The following PCDH17 variants were observed in gnomAD, a reference collection of about 807,000 sequenced individuals.
PCDH17 encodes the protein protocadherin-17.
A neutral mutation model predicts 67.7 loss-of-function variants in PCDH17; 21 were observed. That is an observed-to-expected ratio of 0.31 (90% CI 0.22 to 0.45). The LOEUF (loss-of-function observed/expected upper bound fraction) is 0.45, where lower values mean the gene tolerates loss of function less well. Ranked by LOEUF, PCDH17 falls within the 20% of genes least tolerant of loss-of-function variation. The pLI is 1.00. For missense variants in PCDH17, 1,471 were observed against 1,564.8 expected (o/e 0.94, Z 1.01); for synonymous variants, 701 against 656.7 (o/e 1.07, Z -1.03).
rs1955914569 is a variant in PCDH17 at position 57,726,091 on chromosome 13, CAAT to C, written c.*798_*800del. On this transcript the variant is annotated 3_prime_UTR_variant, in exon 4 of 4. Transcript: ENST00000377918. ...TTTTAGTGTCCAACAAAGATTTAAA[CAAT>C]GATGAATATGTTTTAAATTTGACAT... The C allele has an allele frequency of 6.6e-6, 1 of 152,426 alleles. No homozygotes were observed. 9.4% of individuals were successfully genotyped at this position (152,426 alleles called of 1,614,324 possible).
chr13:57,636,200 A>G (rs1954820717), intron 1 of PCDH17, among the ~76,000 whole-genome samples: 1 of 152,168 alleles, frequency 6.6e-6, no homozygotes, highest in Non-Finnish European at 1.5e-5. Context: ...GAAAAACTTC[A>G]TTCTTGCTTA....
chr13:57,714,661 G>A lies in PCDH17; in HGVS notation c.2798-9951G>A, dbSNP rs958922998. 2.6e-5 allele frequency among the ~76,000 whole-genome samples: 4 copies of A among 151,738 alleles called. No homozygotes were observed. The Admixed American group carries it at 2.6e-4, about 10-fold the overall frequency. ...AAACAGCTTTTGCTAACTACTGCAT[G>A]CCAGAGCATAGGTTTCTCACTGCAT... On this transcript the variant is annotated intron_variant, in intron 3 of 3. Coordinates refer to ENST00000377918, the MANE Select transcript of PCDH17 (RefSeq NM_001040429.3).
At chr13:57,663,079 AG>A (rs1459866356) in intron 1 of PCDH17, among the ~76,000 whole-genome samples, 1 of 152,084 alleles carries the variant, frequency 6.6e-6, no homozygotes, top group Non-Finnish European at 1.5e-5. Flanking sequence ...GATTTTTTGT[AG>A]ATTTTTAAAT....
intron 3 of PCDH17, among the ~76,000 whole-genome samples, chr13:57,703,172 C>A (rs7326551): frequency 0.82 from 124,323 of 152,090 alleles, 51,332 homozygotes; most frequent in African/African-American, 0.93. Flanking sequence ...TTTTTCTCTA[C>A]AATTTGAGGT....
intron 3 of PCDH17, among the ~76,000 whole-genome samples, chr13:57,720,008 A>C (rs1445136353): frequency 1.3e-5 from 2 of 152,180 alleles, no homozygotes; most frequent in Admixed American, 1.3e-4. Flanking sequence ...ATTATATAAC[A>C]TTTGTGGGAG....
At chr13:57,669,230 T>C (rs2138028447) in intron 3 of PCDH17, among the ~76,000 whole-genome samples, 1 of 152,256 alleles carries the variant, frequency 6.6e-6, no homozygotes, top group South Asian at 2.1e-4. Context: ...ATTCATTTAA[T>C]AAATATCTAG....
intron 3 of PCDH17, among the ~76,000 whole-genome samples, chr13:57,682,678 G>A (rs1047935777): frequency 6.6e-6 from 1 of 151,602 alleles, no homozygotes; most frequent in Non-Finnish European, 1.5e-5. Flanking sequence ...CTTTGTGTGG[G>A]GAAGAAAATA....
At chr13:57,706,034 C>G (rs372996046) in intron 3 of PCDH17, among the ~76,000 whole-genome samples, 8 of 150,628 alleles carry the variant, frequency 5.3e-5, no homozygotes, top group Non-Finnish European at 1.2e-4. Flanking sequence ...AAAAAAAATA[C>G]CCTTACCTTT....
At chr13:57,646,731 T>G (rs1954970656) in intron 1 of PCDH17, among the ~76,000 whole-genome samples, 1 of 151,812 alleles carries the variant, frequency 6.6e-6, no homozygotes, top group Non-Finnish European at 1.5e-5. Context: ...AAGATTAAGC[T>G]AACGGTATTA....
Position 57,634,431 on chromosome 13 carries a change from G to C in PCDH17, c.1885G>C (p.Asp629His). 6.2e-7 allele frequency: 1 copy of C among 1,612,858 alleles called. No individual in the cohort carries two copies. ...CGGGCGTCTCACCTACGAGATCGTG[G>C]ACGGCAACGACGACCACCTGTTTGA... ...ESGRLTYEIV[D>H]GNDDHLFEID... The change falls in exon 1 of 4, where the codon GAC (aspartate) becomes CAC (histidine). Residue 629 changes from aspartate to histidine, a missense_variant. Around this residue, in one of 3 missense-constraint regions of PCDH17, gnomAD observed 1,163 missense variants for 1,230.0 expected, o/e 0.95. Transcript: ENST00000377918. The surrounding 1 kb of genome is among the most constrained non-coding windows in gnomAD (Gnocchi z 7.8).
chr13:57,667,486 A>G (rs556642714), intron 3 of PCDH17, among the ~76,000 whole-genome samples: 1 of 152,142 alleles, frequency 6.6e-6, no homozygotes, highest in East Asian at 1.9e-4. Flanking sequence ...ATACAATAAA[A>G]TGTTTGCTAA....
At chr13:57,685,789 A>C (rs920161720) in intron 3 of PCDH17, among the ~76,000 whole-genome samples, 1 of 151,954 alleles carries the variant, frequency 6.6e-6, no homozygotes, top group African/African-American at 2.4e-5. Flanking sequence ...AAATCACAGT[A>C]AAGTACGGAA....
chr13:57,711,378 G>A (rs1343097486), intron 3 of PCDH17, among the ~76,000 whole-genome samples: 1 of 151,804 alleles, frequency 6.6e-6, no homozygotes, highest in Non-Finnish European at 1.5e-5. Flanking sequence ...GGTAAATTAA[G>A]CCTTATTTTA....
chr13:57,653,971 T>C (rs1309940366), intron 1 of PCDH17, among the ~76,000 whole-genome samples: 1 of 152,122 alleles, frequency 6.6e-6, no homozygotes, highest in East Asian at 1.9e-4. Context: ...AATCAGGTGC[T>C]TTCCACATGT....
At chr13:57,663,549 GA>G (rs1189923504) in intron 1 of PCDH17, among the ~76,000 whole-genome samples, 1 of 151,884 alleles carries the variant, frequency 6.6e-6, no homozygotes, top group Non-Finnish European at 1.5e-5. Flanking sequence ...TATTTTAAAT[GA>G]ATTTTCAGAG....
chr13:57,685,765 G>A (rs1593926322), intron 3 of PCDH17, among the ~76,000 whole-genome samples: 1 of 151,862 alleles, frequency 6.6e-6, no homozygotes, highest in Middle Eastern at 3.4e-3. Flanking sequence ...AAGGACATAC[G>A]GTAATAACTA....
intron 3 of PCDH17, among the ~76,000 whole-genome samples, chr13:57,712,031 T>G (rs986212262): frequency 2.6e-5 from 4 of 151,676 alleles, no homozygotes; most frequent in Non-Finnish European, 5.9e-5. Context: ...TTCTTTTTAC[T>G]AAATACTGCT....
intron 3 of PCDH17, among the ~76,000 whole-genome samples, chr13:57,684,397 A>T (rs1955487849): frequency 6.6e-6 from 1 of 151,958 alleles, no homozygotes; most frequent in South Asian, 2.1e-4. Context: ...GCTTTTTAAA[A>T]TTTTAAAAAT....
Position 57,634,307 on chromosome 13 carries a change from G to A in PCDH17, c.1761G>A (p.Thr587=), listed in dbSNP as rs770610923. The stretch of plus-strand genomic sequence containing the variant: ...ACGCGCCAGTGATCGTGCTCCCCAC[G>A]CTGCAGAACGACACCGCGGAGCTGC... ...NDNAPVIVLP[T]LQNDTAELQV... The change falls in exon 1 of 4, where the codon ACG becomes ACA. Residue 587 remains threonine (T), a synonymous_variant. Coordinates refer to ENST00000377918, the MANE Select transcript of PCDH17 (RefSeq NM_001040429.3). This position sits in a 1 kb window ranked among gnomAD's most constrained non-coding sequence, Gnocchi z 7.8. 3 of 1,612,900 alleles carry A rather than the reference G, an allele frequency of 1.9e-6. No homozygotes were observed. The highest frequency in any genetic ancestry group is 2.5e-6 in the Non-Finnish European group (3 of 1,180,040).
Sources: gnomAD v4.1 joint callset for allele counts (sites outside exome capture counted in the v4.1 genomes callset) on GRCh38, gnomAD v4.1.1 for gene constraint, gnomAD v4.1.1 regional missense constraint, Gnocchi (gnomAD v3.1) non-coding constraint, MANE v1.5 for transcripts, NCBI Gene and HGNC (gene_info 2026-07-23, HGNC 2026-07-21) for gene names.